The following MYO1H variants were observed in gnomAD, a reference collection of about 807,000 sequenced individuals.
The protein encoded by MYO1H is myosin IH.
A neutral mutation model predicts 149.3 loss-of-function variants in MYO1H; 118 were observed. The ratio of observed to expected loss-of-function variants is 0.79; its 90% CI spans 0.68 to 0.92. The LOEUF (loss-of-function observed/expected upper bound fraction) is 0.92. Ranked by LOEUF, MYO1H falls within the 40% of genes least tolerant of loss-of-function variation. MYO1H has a pLI of 0.00. For missense variants in MYO1H, 1,212 were observed against 1,280.7 expected, an observed-to-expected ratio of 0.95 and a Z score of 0.82; for synonymous variants, 447 against 465.2, an observed-to-expected ratio of 0.96 and a Z score of 0.50.
chr12:109,437,403 A>C lies in MYO1H; in HGVS notation c.2209+847A>C, dbSNP rs563122772. ...ATTTTTGCACTCCAAATTGATTTTGAAATTCAACCAGGAGATGTGCATAGA... is the reference window on the plus strand; with the variant it reads ...ATTTTTGCACTCCAAATTGATTTTGCAATTCAACCAGGAGATGTGCATAGA... On this transcript the variant is annotated intron_variant, in intron 22 of 31. Coordinates refer to ENST00000310903, the Ensembl canonical transcript of MYO1H. 2.0e-5 allele frequency among the ~76,000 whole-genome samples: 3 copies of C among 152,342 alleles called. No individual in the cohort carries two copies. The South Asian group carries it at 6.2e-4, about 32-fold the overall frequency.
chr12:109,392,726 AGAC>A (rs1181265589), intron 2 of MYO1H, among the ~76,000 whole-genome samples: 5 of 151,830 alleles, frequency 3.3e-5, no homozygotes, highest in South Asian at 2.1e-4. Flanking sequence ...AAAAAAAAGA[AGAC>A]GACTTCCCCA....
chr12:109,397,891 G>A, intron 5 of MYO1H, 79 bp downstream of exon 5: 1 of 1,045,172 alleles, frequency 9.6e-7, no homozygotes, highest in Admixed American at 3.1e-5. Flanking sequence ...GGCCCCTTAA[G>A]GGGAGAACGG....
chr12:109,394,646 C>A (rs2137040659), intron 3 of MYO1H, among the ~76,000 whole-genome samples: 1 of 150,732 alleles, frequency 6.6e-6, no homozygotes, highest in Non-Finnish European at 1.5e-5. Context: ...CCAGGCTTTG[C>A]TGAATTTTCT....
At chr12:109,372,863 T>C (rs1176624255) in intron 1 of MYO1H, among the ~76,000 whole-genome samples, 1 of 152,104 alleles carries the variant, frequency 6.6e-6, no homozygotes, top group Non-Finnish European at 1.5e-5. Context: ...AATAACTATA[T>C]GATATTGAAT....
the MYO1H span, among the ~76,000 whole-genome samples, chr12:109,313,907 G>A: frequency 1.3e-5 from 2 of 151,752 alleles, no homozygotes; most frequent in East Asian, 1.9e-4. Context: ...TTTTTTAGAC[G>A]GAGTTTCGCT....
At chr12:109,353,869 G>C (rs763525663) in intron 1 of MYO1H, among the ~76,000 whole-genome samples, 8 of 152,068 alleles carry the variant, frequency 5.3e-5, no homozygotes, top group Non-Finnish European at 1.0e-4. Flanking sequence ...GGCCAGGCTG[G>C]TCTCTCAAAA....
the MYO1H span, among the ~76,000 whole-genome samples, chr12:109,330,925 T>C: frequency 6.6e-6 from 1 of 152,200 alleles, no homozygotes; most frequent in Non-Finnish European, 1.5e-5. Context: ...TTTTAGCATC[T>C]GGGTGGTGGT....
At chr12:109,412,595 T>G (rs1870721274) in intron 14 of MYO1H, among the ~76,000 whole-genome samples, 1 of 148,900 alleles carries the variant, frequency 6.7e-6, no homozygotes, top group Non-Finnish European at 1.5e-5. Context: ...ATCTGAAATG[T>G]ACAACCTGAT....
rs377151314 is a variant in MYO1H, at chr12:109,439,702, G to A, written c.2366G>A (p.Arg789Gln). ...AACGAGGAATTTATCGTGTTTGTGC[G>A]GAAGAATTACATCTTGAATCTCCGG... Residue 789 changes from arginine to glutamine, a missense_variant, in exon 24 of 32, where the codon CGG becomes CAG. Coordinates refer to ENST00000310903, the Ensembl canonical transcript of MYO1H. 31 of 1,613,642 alleles carry A rather than the reference G, an allele frequency of 1.9e-5. No individual in the cohort carries two copies. The highest frequency in any genetic ancestry group is 1.6e-4 in the Middle Eastern group (1 of 6,084).
chr12:109,338,747 CAGAGCAAGACTCCATCTCAAAAAA>C, the MYO1H span, among the ~76,000 whole-genome samples: 5 of 118,774 alleles, frequency 4.2e-5, no homozygotes, highest in African/African-American at 1.7e-4. Flanking sequence ...GCCTGGGTGA[CAGAGCAAGACTCCATCTCAAAAAA>C]AAAAAAAAAA....
chr12:109,417,820 GTTTTGT>G (rs1344445617), intron 15 of MYO1H, among the ~76,000 whole-genome samples: 3 of 133,672 alleles, frequency 2.2e-5, no homozygotes, highest in African/African-American at 1.0e-4. Flanking sequence ...GTTTTGTTTT[GTTTTGT>G]TTTTTTTGAG....
At chr12:109,322,088 G>GCCAGATATGA in the MYO1H span, among the ~76,000 whole-genome samples, 348 of 152,286 alleles carry the variant, frequency 2.3e-3, no homozygotes, top group Non-Finnish European at 3.1e-3. Context: ...CAAGCAGAGA[G>GCCAGATATGA]CCAGATATGA....
At chr12:109,413,567 A>G (rs966898146) in intron 14 of MYO1H, among the ~76,000 whole-genome samples, 5 of 152,248 alleles carry the variant, frequency 3.3e-5, no homozygotes, top group African/African-American at 9.6e-5. Context: ...TCACTGTGCA[A>G]TGAATAATCT....
At chr12:109,318,346 G>A in the MYO1H span, among the ~76,000 whole-genome samples, 4 of 151,914 alleles carry the variant, frequency 2.6e-5, no homozygotes, top group African/African-American at 7.3e-5. Context: ...CCTTCCCCTA[G>A]GAGGTAGAGG....
chr12:109,326,264 A>G, the MYO1H span, among the ~76,000 whole-genome samples: 1 of 152,074 alleles, frequency 6.6e-6, no homozygotes, highest in African/African-American at 2.4e-5. Context: ...TTTCTAGATC[A>G]CTTCCTGCTG....
At chr12:109,431,332 A>G (rs1042405704) in intron 19 of MYO1H, among the ~76,000 whole-genome samples, 1 of 152,056 alleles carries the variant, frequency 6.6e-6, no homozygotes, top group African/African-American at 2.4e-5. Context: ...GTGAGTGGAG[A>G]TTGTGCCACT....
At chr12:109,398,403 G>A (rs1324962490) in intron 5 of MYO1H, among the ~76,000 whole-genome samples, 1 of 152,088 alleles carries the variant, frequency 6.6e-6, no homozygotes, top group Admixed American at 6.6e-5. Flanking sequence ...TGGGTCTTGG[G>A]AACATACTGT....
intron 2 of MYO1H, among the ~76,000 whole-genome samples, chr12:109,392,502 C>A (rs971988113): frequency 6.6e-6 from 1 of 152,130 alleles, no homozygotes; most frequent in African/African-American, 2.4e-5. Flanking sequence ...GCAGGCAGAT[C>A]GCCTGAGGTC....
chr12:109,397,108 C>G (rs1869949934), intron 4 of MYO1H, among the ~76,000 whole-genome samples: 2 of 151,990 alleles, frequency 1.3e-5, no homozygotes, highest in South Asian at 4.1e-4. Flanking sequence ...TAATTACAGG[C>G]GTGAGCCACC....
Sources: gnomAD v4.1 joint callset for allele counts (sites outside exome capture counted in the v4.1 genomes callset) on GRCh38, gnomAD v4.1.1 for gene constraint, MANE v1.5 for transcripts, NCBI Gene and HGNC (gene_info 2026-07-23, HGNC 2026-07-21) for gene names.